Variants in ERC1 observed in about 807,000 individuals in gnomAD.
The protein encoded by ERC1 is ELKS/RAB6-interacting/CAST family member 1, also known as RAB6 interacting protein 2.
In ERC1, 56 loss-of-function variants were observed where a neutral mutation model predicts 132.0. The observed-to-expected ratio is 0.42, with a 90% CI of 0.34 to 0.53. The LOEUF (loss-of-function observed/expected upper bound fraction) is 0.53, where lower values mean the gene tolerates loss of function less well. ERC1 is among the 20% of genes least tolerant of loss of function. ERC1 has a pLI of 0.03. For synonymous variants in ERC1, 478 were observed against 476.1 expected, an observed-to-expected ratio of 1.00 and a Z score of -0.05; for missense variants, 1,202 against 1,349.9, an observed-to-expected ratio of 0.89 and a Z score of 1.72.
chr12:1,319,060 T>C (rs1036085106), intron 15 of ERC1, among the ~76,000 whole-genome samples: 3 of 152,144 alleles, frequency 2.0e-5, no homozygotes, highest in South Asian at 2.1e-4. Flanking sequence ...AGGGGGAAGG[T>C]TCACAAAGCA....
intron 15 of ERC1, among the ~76,000 whole-genome samples, chr12:1,299,194 A>T (rs1206740242): frequency 6.6e-6 from 1 of 152,194 alleles, no homozygotes; most frequent in Non-Finnish European, 1.5e-5. Context: ...CATTTATAGA[A>T]TACTACATCT....
intron 15 of ERC1, among the ~76,000 whole-genome samples, chr12:1,341,158 A>G (rs1595106467): frequency 1.7e-5 from 2 of 117,944 alleles, no homozygotes; most frequent in African/African-American, 6.4e-5. Context: ...CAGTGGCGCA[A>G]TCTCGGCTCA....
intron 1 of ERC1, among the ~76,000 whole-genome samples, chr12:992,163 T>A (rs769482928): frequency 1.1e-4 from 17 of 150,034 alleles, no homozygotes; most frequent in Non-Finnish European, 2.4e-4. Flanking sequence ...TGTCTTCCAG[T>A]TTTTTTTCCC....
At chr12:1,275,481 A>G (rs544923924) in intron 14 of ERC1, among the ~76,000 whole-genome samples, 1 of 152,302 alleles carries the variant, frequency 6.6e-6, no homozygotes, top group East Asian at 1.9e-4. Context: ...CAATTATATG[A>G]AGAATAAATA....
At chr12:1,136,272 C>G (rs1949242951) in intron 7 of ERC1, among the ~76,000 whole-genome samples, 1 of 152,182 alleles carries the variant, frequency 6.6e-6, no homozygotes, top group Non-Finnish European at 1.5e-5. Context: ...GAGAAGTTAA[C>G]ATCCTTTCTA....
chr12:1,392,387 T>A (rs2154383005), intron 16 of ERC1, among the ~76,000 whole-genome samples: 1 of 152,336 alleles, frequency 6.6e-6, no homozygotes, highest in Middle Eastern at 3.4e-3. Flanking sequence ...GAAAATAAAA[T>A]GTATGTTCTG....
intron 12 of ERC1, among the ~76,000 whole-genome samples, chr12:1,235,617 T>C (rs1327224447): frequency 6.6e-6 from 1 of 152,184 alleles, no homozygotes; most frequent in Non-Finnish European, 1.5e-5. Flanking sequence ...AAACATGCAT[T>C]GTAAAACTAT....
intron 18 of ERC1, among the ~76,000 whole-genome samples, chr12:1,488,555 A>G (rs556656064): frequency 4.3e-4 from 66 of 152,240 alleles, no homozygotes; most frequent in Admixed American, 1.3e-3. Flanking sequence ...TTGGCCTGAC[A>G]TGGTTATTAT....
At chr12:997,161 T>C (rs1029653909) in intron 1 of ERC1, among the ~76,000 whole-genome samples, 1 of 152,248 alleles carries the variant, frequency 6.6e-6, no homozygotes, top group African/African-American at 2.4e-5. Context: ...ATTTAAAAGA[T>C]AGTTTTAGAA....
At position 1,492,120 on chromosome 12, in the gene ERC1, C is replaced by T. The variant is rs1279007340; in HGVS notation, c.*1890C>T. The T allele has an allele frequency of 4.3e-6, 1 of 233,028 alleles. No individual in the cohort carries two copies. The highest frequency in any genetic ancestry group is 1.8e-4 in the South Asian group (1 of 5,524). The allele number at this position is 233,028 out of a possible 1,614,324, so 14.4% of individuals were successfully genotyped here. A position where few individuals can be genotyped will look rare whatever the true frequency, so the allele number is the denominator to read the frequency against. On this transcript the variant is annotated 3_prime_UTR_variant, in exon 19 of 19. Coordinates refer to ENST00000360905, the MANE Select transcript of ERC1 (RefSeq NM_178040.4). ...CCCTGCTGTGAAACAATCCCTCTCC[C>T]TGTGAGAGGAAACTGTGGAGCGTTT...
At chr12:1,484,121 T>A (rs181716746) in intron 18 of ERC1, among the ~76,000 whole-genome samples, 13 of 151,152 alleles carry the variant, frequency 8.6e-5, no homozygotes, top group South Asian at 4.2e-4. Flanking sequence ...CTGGCTAACA[T>A]GGTGAAACCC....
At position 1,121,925 on chromosome 12, in the gene ERC1, ATCTGTG is replaced by A. The variant is rs1407127603; in HGVS notation, c.1569+5896_1569+5901del. ...TATCTCTATCTCTATCTCTATCTCTATCTGTGTCTCTATCTATCTCTATCTCTATCT... is the reference window on the plus strand; with the variant it reads ...TATCTCTATCTCTATCTCTATCTCTATCTCTATCTATCTCTATCTCTATCT... On this transcript the variant is annotated intron_variant, in intron 7 of 18. Coordinates refer to ENST00000360905, the MANE Select transcript of ERC1 (RefSeq NM_178040.4). Among the ~76,000 whole-genome samples, 19 of 2,800 alleles carry A rather than the reference ATCTGTG, an allele frequency of 6.8e-3. 4 individuals are homozygous for A. In the South Asian group the frequency reaches 0.5, roughly 74 times the overall value. 1.8% of individuals were successfully genotyped at this position (2,800 alleles called of 152,430 possible). A position where few individuals can be genotyped will look rare whatever the true frequency, so the allele number is the denominator to read the frequency against.
intron 18 of ERC1, among the ~76,000 whole-genome samples, chr12:1,457,355 A>T (rs758835351): frequency 6.6e-6 from 1 of 152,236 alleles, no homozygotes; most frequent in African/African-American, 2.4e-5. Context: ...TTCCTCCCTC[A>T]TGGGTCCTCA....
intron 15 of ERC1, among the ~76,000 whole-genome samples, chr12:1,368,803 C>A (rs1239656972): frequency 6.6e-6 from 1 of 152,144 alleles, no homozygotes; most frequent in Non-Finnish European, 1.5e-5. Context: ...AGCTAGTATA[C>A]CTATCAAAGA....
intron 17 of ERC1, among the ~76,000 whole-genome samples, chr12:1,438,316 T>C (rs576640323): frequency 1.7e-4 from 26 of 152,348 alleles, no homozygotes; most frequent in Admixed American, 1.5e-3. Context: ...AGAGTTTAGC[T>C]CTCCGCTGGG....
chr12:1,256,319 C>A (rs2076812492), intron 13 of ERC1, among the ~76,000 whole-genome samples: 1 of 144,652 alleles, frequency 6.9e-6, no homozygotes. Flanking sequence ...TACTTTAAGA[C>A]TAGAAGCAGT....
At chr12:1,330,220 A>G (rs980556456) in intron 15 of ERC1, among the ~76,000 whole-genome samples, 4 of 152,224 alleles carry the variant, frequency 2.6e-5, no homozygotes, top group African/African-American at 7.2e-5. Context: ...AAAAGCAACA[A>G]CACATCTACC....
chr12:1,084,798 C>T (rs1942750125), intron 3 of ERC1, among the ~76,000 whole-genome samples: 1 of 151,760 alleles, frequency 6.6e-6, no homozygotes, highest in Admixed American at 6.6e-5. Flanking sequence ...CTTAGGTGAG[C>T]CTTCTGCCTT....
At chr12:1,008,778 C>T (rs1191115442) in intron 1 of ERC1, among the ~76,000 whole-genome samples, 3 of 152,180 alleles carry the variant, frequency 2.0e-5, no homozygotes. Flanking sequence ...TCCAAACATG[C>T]TTAAAACTTT....
Sources: allele counts gnomAD v4.1 joint callset (sites outside exome capture counted in the v4.1 genomes callset), GRCh38; gene constraint gnomAD v4.1.1; transcripts MANE v1.5; gene names NCBI Gene and HGNC (gene_info 2026-07-23, HGNC 2026-07-21).